TBC1D23: variants seen among roughly 807,000 people sequenced by gnomAD.
The protein encoded by TBC1D23 is HCV non-structural protein 4A-transactivated protein 1.
A neutral mutation model predicts 91.4 loss-of-function variants in TBC1D23; 55 were observed. That is an observed-to-expected ratio of 0.60 (90% confidence interval 0.48 to 0.75). TBC1D23 has a LOEUF of 0.75. Among genes scored for constraint, TBC1D23 ranks in the 30% least tolerant of loss-of-function variants. The probability of loss-of-function intolerance (pLI) is 0.00; values close to 1 mark genes in which losing one functional copy is unlikely to be tolerated. For missense variants in TBC1D23, 725 were observed against 836.1 expected, an observed-to-expected ratio of 0.87 and a Z score of 1.64; for synonymous variants, 289 against 281.0, an observed-to-expected ratio of 1.03 and a Z score of -0.28.
At chr3:100,290,192 A>G (rs1305988472) in intron 4 of TBC1D23, among the ~76,000 whole-genome samples, 1 of 152,248 alleles carries the variant, frequency 6.6e-6, no homozygotes, top group East Asian at 1.9e-4. Context: ...CTGATTGAGT[A>G]TATAAACTGT....
At chr3:100,262,735 A>AAC (rs2067522943) in intron 1 of TBC1D23, among the ~76,000 whole-genome samples, 1 of 151,130 alleles carries the variant, frequency 6.6e-6, no homozygotes, top group Non-Finnish European at 1.5e-5. Flanking sequence ...AAAAAAAAAA[A>AAC]AAAAAAAAAA....
chr3:100,309,651 G>A (rs925774095), intron 13 of TBC1D23, among the ~76,000 whole-genome samples: 18 of 124,958 alleles, frequency 1.4e-4, no homozygotes, highest in Non-Finnish European at 2.5e-4. Flanking sequence ...TCGCTCTGTC[G>A]CGCAGACTGG....
chr3:100,279,556 A>G, intron 1 of TBC1D23, 93 bp from the exon 2 acceptor site: 2 of 810,004 alleles, frequency 2.5e-6, no homozygotes, highest in Non-Finnish European at 3.9e-6. Context: ...TGTTTCTTAG[A>G]CAAGCCTTTA....
intron 4 of TBC1D23, among the ~76,000 whole-genome samples, chr3:100,286,745 C>G (rs989532780): frequency 6.6e-6 from 1 of 151,218 alleles, no homozygotes; most frequent in Non-Finnish European, 1.5e-5. Context: ...ATCCGCCCAA[C>G]TCGACCTCCC....
intron 16 of TBC1D23, 65 bp from the exon 17 acceptor site, chr3:100,319,004 T>C (rs866140653): frequency 9.2e-7 from 1 of 1,087,936 alleles, no homozygotes; most frequent in African/African-American, 1.6e-5. Flanking sequence ...TTTTTTAGAC[T>C]GTTAGGGAAT....
chr3:100,298,721 A>G (rs1286958786), intron 9 of TBC1D23, among the ~76,000 whole-genome samples: 1 of 152,232 alleles, frequency 6.6e-6, no homozygotes, highest in Non-Finnish European at 1.5e-5. Context: ...TCAAACTAAT[A>G]TTTAAAAACA....
chr3:100,314,252 C>A (rs778392327), intron 15 of TBC1D23, among the ~76,000 whole-genome samples: 1 of 151,844 alleles, frequency 6.6e-6, no homozygotes, highest in Non-Finnish European at 1.5e-5. Flanking sequence ...GTGCGTGCCA[C>A]CACACCCAGC....
chr3:100,301,925 T>A, intron 10 of TBC1D23, 142 bp from the exon 11 acceptor site: 3 of 604,710 alleles, frequency 5.0e-6, no homozygotes, highest in Non-Finnish European at 8.6e-6. Context: ...CCCAGGGATT[T>A]TATTTATAAG....
intron 1 of TBC1D23, among the ~76,000 whole-genome samples, chr3:100,273,412 A>G (rs1395613832): frequency 6.6e-6 from 1 of 152,238 alleles, no homozygotes. Context: ...ACACAGACAC[A>G]GTAACAATCT....
intron 15 of TBC1D23, among the ~76,000 whole-genome samples, chr3:100,313,115 A>G (rs1705658486): frequency 6.6e-6 from 1 of 152,110 alleles, no homozygotes. Flanking sequence ...CGCCAATTAC[A>G]GGACTTCTGC....
At position 100,315,920 on chromosome 3, in the gene TBC1D23, C is replaced by A; in HGVS notation, c.1599-179C>A. 6.9e-6 allele frequency: 4 copies of A among 575,770 alleles called. No homozygotes were observed. The South Asian group carries it at 9.3e-5, about 13-fold the overall frequency. 35.7% of individuals were successfully genotyped at this position (575,770 alleles called of 1,614,324 possible). A position where few individuals can be genotyped will look rare whatever the true frequency, so the allele number is the denominator to read the frequency against. ...TATGCCACTTTTGCTAACATAATTT[C>A]TTTATCTTCTTTTAATTTCCTTAAC... On this transcript the variant is annotated intron_variant, in intron 15 of 18. Transcript: ENST00000394144.
chr3:100,306,618 C>T, intron 13 of TBC1D23, 75 bp downstream of exon 13: 1 of 802,050 alleles, frequency 1.2e-6, no homozygotes, highest in Non-Finnish European at 2.1e-6. Context: ...TAAACCCCCA[C>T]CATAACAGAA....
intron 13 of TBC1D23, among the ~76,000 whole-genome samples, chr3:100,307,090 G>T (rs1397375584): frequency 6.6e-6 from 1 of 152,280 alleles, no homozygotes; most frequent in East Asian, 1.9e-4. Context: ...TATTTTATTT[G>T]ATTTTTAGTT....
intron 7 of TBC1D23, among the ~76,000 whole-genome samples, chr3:100,295,758 C>T (rs1362091130): frequency 1.3e-5 from 2 of 152,160 alleles, no homozygotes; most frequent in East Asian, 1.9e-4. Flanking sequence ...TCTCTATATT[C>T]CCTGGCACTT....
chr3:100,314,159 C>T (rs547730564), intron 15 of TBC1D23, among the ~76,000 whole-genome samples: 113 of 125,546 alleles, frequency 9.0e-4, no homozygotes, highest in Middle Eastern at 0.014. Context: ...AGTGCAGTGG[C>T]GCAATCTCGG....
At chr3:100,274,828 CATAT>C (rs375651587) in intron 1 of TBC1D23, among the ~76,000 whole-genome samples, 1,697 of 147,802 alleles carry the variant, frequency 0.011, 24 homozygotes, top group Middle Eastern at 0.054. Context: ...AATTAATAAA[CATAT>C]ATAATATGAT....
intron 4 of TBC1D23, among the ~76,000 whole-genome samples, chr3:100,284,952 G>A (rs1033722971): frequency 7.9e-5 from 12 of 152,076 alleles, no homozygotes; most frequent in African/African-American, 2.7e-4. Flanking sequence ...TCAGCGTGTA[G>A]CCAAGGTGGA....
At chr3:100,301,002 A>G (rs1005910546) in intron 10 of TBC1D23, among the ~76,000 whole-genome samples, 2 of 152,108 alleles carry the variant, frequency 1.3e-5, no homozygotes, top group Non-Finnish European at 2.9e-5. Flanking sequence ...TGCCTGATTG[A>G]TGTATATGTG....
intron 1 of TBC1D23, among the ~76,000 whole-genome samples, chr3:100,277,930 T>A (rs564288670): frequency 9.6e-4 from 147 of 152,344 alleles, no homozygotes; most frequent in Admixed American, 2.1e-3. Flanking sequence ...AAGAACTAAA[T>A]GTTTCTTGTG....
Sources: allele counts gnomAD v4.1 joint callset (sites outside exome capture counted in the v4.1 genomes callset), GRCh38; gene constraint gnomAD v4.1.1; transcripts MANE v1.5; gene names NCBI Gene and HGNC (gene_info 2026-07-23, HGNC 2026-07-21).